The following HNRNPLL variants were observed in gnomAD, a reference collection of about 807,000 sequenced individuals.
The protein encoded by HNRNPLL is heterogeneous nuclear ribonucleoprotein L-like.
In HNRNPLL, 25 loss-of-function variants were observed where a neutral mutation model predicts 67.1. The observed-to-expected ratio is 0.37, with a 90% CI of 0.27 to 0.52. HNRNPLL has a LOEUF of 0.52. HNRNPLL is among the 20% of genes least tolerant of loss of function. The pLI, the probability that HNRNPLL is intolerant of heterozygous loss-of-function variation, is 0.90. For synonymous variants in HNRNPLL, 267 were observed against 241.7 expected (o/e 1.10, Z -0.97); for missense variants, 542 against 673.9 (o/e 0.80, Z 2.17).
intron 3 of HNRNPLL, 49 bp from the exon 4 acceptor site, chr2:38,583,975 C>T (rs1213160344): frequency 1.3e-6 from 1 of 785,612 alleles, no homozygotes; most frequent in African/African-American, 1.8e-5. Context: ...TCTGAAAAAA[C>T]ATTAAAGCTA....
chr2:38,587,453 A>T (rs1666781294), intron 2 of HNRNPLL, among the ~76,000 whole-genome samples: 1 of 152,176 alleles, frequency 6.6e-6, no homozygotes, highest in Non-Finnish European at 1.5e-5. Context: ...TAGGGGACTT[A>T]TTAGTTTTCC....
chr2:38,572,998 T>A lies in HNRNPLL; in HGVS notation c.1092+212A>T, dbSNP rs187178285. 2.8e-3 allele frequency among the ~76,000 whole-genome samples: 424 copies of A among 152,166 alleles called. 8 individuals are homozygous for A. The highest frequency in any genetic ancestry group is 4.3e-3 in the South Asian group (21 of 4,830). ...AGACTTCTTTTTATATTGGTTATTTTAAAAATATTTGTAGTATCAACAACC... is the reference window on the plus strand; with the variant it reads ...AGACTTCTTTTTATATTGGTTATTTAAAAAATATTTGTAGTATCAACAACC... On this transcript the variant is annotated intron_variant, in intron 8 of 12. Transcript: ENST00000449105.
intron 8 of HNRNPLL, among the ~76,000 whole-genome samples, chr2:38,572,678 G>A (rs1368114): frequency 0.23 from 35,642 of 151,926 alleles, 5,404 homozygotes; most frequent in African/African-American, 0.43. Context: ...TGCTAGACAG[G>A]AAGTTTTGGA....
At chr2:38,566,796 C>A (rs559538126) in intron 12 of HNRNPLL, among the ~76,000 whole-genome samples, 21 of 142,526 alleles carry the variant, frequency 1.5e-4, no homozygotes, top group African/African-American at 5.3e-4. Context: ...CCAGCCTGGG[C>A]AACACAGTGA....
At chr2:38,573,472 T>C (rs1291845540) in intron 7 of HNRNPLL, 45 bp from the exon 8 acceptor site, 5 of 1,245,606 alleles carry the variant, frequency 4.0e-6, no homozygotes, top group African/African-American at 3.1e-5. Context: ...CATATACACA[T>C]AGTTGTTTGT....
At chr2:38,593,960 G>T (rs1667070375) in intron 1 of HNRNPLL, among the ~76,000 whole-genome samples, 1 of 152,050 alleles carries the variant, frequency 6.6e-6, no homozygotes, top group Admixed American at 6.5e-5. Context: ...AGATCACAAG[G>T]TCAGGAGTTC....
At chr2:38,568,520 G>A in intron 10 of HNRNPLL, 77 bp from the exon 11 acceptor site, 1 of 915,712 alleles carries the variant, frequency 1.1e-6, no homozygotes, top group Non-Finnish European at 1.7e-6. Flanking sequence ...TAAACTTTAT[G>A]GCAGAATTTA....
intron 4 of HNRNPLL, among the ~76,000 whole-genome samples, chr2:38,582,657 C>A (rs113630161): frequency 6.6e-6 from 1 of 152,010 alleles, no homozygotes; most frequent in Non-Finnish European, 1.5e-5. Flanking sequence ...CAGTTGCTCA[C>A]GCCTGTAATC....
intron 1 of HNRNPLL, among the ~76,000 whole-genome samples, chr2:38,595,574 G>C (rs867879464): frequency 2.8e-4 from 43 of 152,354 alleles, no homozygotes; most frequent in Admixed American, 2.6e-4. Flanking sequence ...GCCGGGCGCA[G>C]TGGCTCACGC....
At chr2:38,597,772 G>A (rs1032904273) in intron 1 of HNRNPLL, among the ~76,000 whole-genome samples, 7 of 150,584 alleles carry the variant, frequency 4.6e-5, no homozygotes, top group African/African-American at 1.7e-4. Flanking sequence ...CACTGCAACC[G>A]TCGCCCCTCC....
Position 38,583,152 on chromosome 2 carries a change from A to AT in HNRNPLL, c.632+688dup, listed in dbSNP as rs151266577. Among the ~76,000 whole-genome samples, 831 of 152,306 alleles carry AT rather than the reference A, an allele frequency of 5.5e-3. 9 individuals are homozygous for AT. The highest frequency in any genetic ancestry group is 0.018 in the African/African-American group (765 of 41,578). ...ATAGTTTTATAATACTCTATCTAAAATTTTATCAGTTTTTAAAAAAATTAC... is the reference window on the plus strand; with the variant it reads ...ATAGTTTTATAATACTCTATCTAAAATTTTTATCAGTTTTTAAAAAAATTAC... On this transcript the variant is annotated intron_variant, in intron 4 of 12. Coordinates refer to ENST00000449105, the MANE Select transcript of HNRNPLL (RefSeq NM_138394.4).
At chr2:38,582,637 T>A (rs577130192) in intron 4 of HNRNPLL, among the ~76,000 whole-genome samples, 139 of 152,002 alleles carry the variant, frequency 9.1e-4, no homozygotes, top group African/African-American at 3.1e-3. Flanking sequence ...AGATCAAGGG[T>A]GGCTGGGCAC....
At chr2:38,593,733 G>A (rs1425747435) in intron 1 of HNRNPLL, among the ~76,000 whole-genome samples, 2 of 151,938 alleles carry the variant, frequency 1.3e-5, no homozygotes, top group Non-Finnish European at 2.9e-5. Flanking sequence ...GTGTGGTGGA[G>A]GACGCCTGTA....
In HNRNPLL at chr2:38,562,558, A is replaced by T. The variant is rs540338730; in HGVS notation, c.*1624T>A. The T allele has an allele frequency of 6.6e-6, 1 of 152,270 alleles. No individual in the cohort carries two copies. The highest frequency in any genetic ancestry group is 1.5e-5 in the Non-Finnish European group (1 of 67,974). 9.4% of individuals were successfully genotyped at this position (152,270 alleles called of 1,614,324 possible). A position where few individuals can be genotyped will look rare whatever the true frequency, so the allele number is the denominator to read the frequency against. ...TTTCAAAAGAGGTAGAAAAGTATTT[A>T]TAGGGGAAAAAAAGCTTTATTGTAA... On this transcript the variant is annotated 3_prime_UTR_variant, in exon 13 of 13. Transcript: ENST00000449105.
At position 38,586,430 on chromosome 2, in the gene HNRNPLL, T is replaced by C. The variant is rs78714958; in HGVS notation, c.309-549A>G. ...CCTCCTCAAAAACAATTATCTGTTA[T>C]TAGTTACTAACAAGACAACCCAGTT... On this transcript the variant is annotated intron_variant, in intron 2 of 12. Coordinates refer to ENST00000449105, the MANE Select transcript of HNRNPLL (RefSeq NM_138394.4). 7.6e-3 allele frequency among the ~76,000 whole-genome samples: 1,151 copies of C among 152,314 alleles called. 17 individuals are homozygous for C. Among genetic ancestry groups the C allele is most frequent in the African/African-American group, 0.026 (1,091 of 41,564 alleles).
At chr2:38,584,919 T>C (rs1455576785) in intron 3 of HNRNPLL, among the ~76,000 whole-genome samples, 4 of 151,774 alleles carry the variant, frequency 2.6e-5, no homozygotes, top group Non-Finnish European at 5.9e-5. Context: ...ATAAATATAT[T>C]ACTATATATT....
chr2:38,588,546 C>CAAAA (rs70954733), intron 2 of HNRNPLL, among the ~76,000 whole-genome samples: 18 of 50,990 alleles, frequency 3.5e-4, no homozygotes, highest in African/African-American at 8.3e-4. Context: ...AACTCCATCT[C>CAAAA]AAAAAAAAAA....
chr2:38,595,695 T>C (rs1468512072), intron 1 of HNRNPLL, among the ~76,000 whole-genome samples: 1 of 152,024 alleles, frequency 6.6e-6, no homozygotes, highest in Non-Finnish European at 1.5e-5. Flanking sequence ...AATACAAAAA[T>C]TAGCCGGGCG....
At chr2:38,564,401 C>A (rs142757248) in intron 12 of HNRNPLL, among the ~76,000 whole-genome samples, 164 bp from the exon 13 acceptor site, 1 of 151,794 alleles carries the variant, frequency 6.6e-6, no homozygotes, top group Non-Finnish European at 1.5e-5. Flanking sequence ...CGGTGGCTCA[C>A]CTGAAGTCAG....
Sources: gnomAD v4.1 joint callset for allele counts (sites outside exome capture counted in the v4.1 genomes callset) on GRCh38, gnomAD v4.1.1 for gene constraint, MANE v1.5 for transcripts, NCBI Gene and HGNC (gene_info 2026-07-23, HGNC 2026-07-21) for gene names.